Variants in NDUFS1 observed in about 807,000 individuals in gnomAD.
NDUFS1 encodes NADH-ubiquinone oxidoreductase 75 kDa subunit, mitochondrial.
NDUFS1 carries 61 observed loss-of-function variants against 84.4 expected under a neutral mutation model. The ratio of observed to expected loss-of-function variants is 0.72; its 90% CI spans 0.59 to 0.89. The LOEUF (loss-of-function observed/expected upper bound fraction) is 0.89, where lower values mean the gene tolerates loss of function less well. Ranked by LOEUF, NDUFS1 falls within the 40% of genes least tolerant of loss-of-function variation. The pLI, the probability that NDUFS1 is intolerant of heterozygous loss-of-function variation, is 0.00. For missense variants in NDUFS1, 891 were observed against 890.0 expected, an observed-to-expected ratio of 1.00 and a Z score of -0.01; for synonymous variants, 275 against 290.0, an observed-to-expected ratio of 0.95 and a Z score of 0.53.
In NDUFS1 at chr2:206,119,276, A is replaced by C. The variant is rs1691032064; in HGVS notation, c.*4909T>G. 6.6e-6 allele frequency: 1 copy of C among 152,184 alleles called. No individual in the cohort carries two copies. The highest frequency in any genetic ancestry group is 2.1e-4 in the South Asian group (1 of 4,834). 9.4% of individuals were successfully genotyped at this position (152,184 alleles called of 1,614,324 possible). ...GCTTTCTGATGTAATCATCAAAACA[A>C]TTCTATGAGGCTGGAAGTAGGTACA... On this transcript the variant is annotated 3_prime_UTR_variant, in exon 19 of 19. Coordinates refer to ENST00000233190, the MANE Select transcript of NDUFS1 (RefSeq NM_005006.7).
chr2:206,116,470 C>T lies in NDUFS1; in HGVS notation c.*7715G>A. 1 of 1,173,178 alleles carries T rather than the reference C, an allele frequency of 8.5e-7. No homozygotes were observed. The highest frequency in any genetic ancestry group is 1.2e-6 in the Non-Finnish European group (1 of 817,174). The allele number at this position is 1,173,178 out of a possible 1,614,324, so 72.7% of individuals were successfully genotyped here. A position where few individuals can be genotyped will look rare whatever the true frequency, so the allele number is the denominator to read the frequency against. ...ACCACGTGCAGGCTGCAGAGCACGG[C>T]CCGCACGCTCCGCACCACTCGCAGC... On this transcript the variant is annotated 3_prime_UTR_variant, in exon 19 of 19. Transcript: ENST00000233190.
chr2:206,155,751 G>A (rs985154887), intron 1 of NDUFS1, among the ~76,000 whole-genome samples: 3 of 147,958 alleles, frequency 2.0e-5, no homozygotes, highest in Non-Finnish European at 3.0e-5. Context: ...ATGGGGTTTC[G>A]CCATGTTGGC....
chr2:206,147,525 A>G lies in NDUFS1; in HGVS notation c.551+6T>C. 6.2e-7 allele frequency: 1 copy of G among 1,612,396 alleles called. No individual in the cohort carries two copies. On this transcript the variant is annotated splice_donor_region_variant and intron_variant, in intron 7 of 18. Coordinates refer to ENST00000233190, the MANE Select transcript of NDUFS1 (RefSeq NM_005006.7). ...CTATAATAGAAAAAAAAGGAAAAAAAGTTACCTGATGCAGCGAGTACACTG... is the reference window on the plus strand; with the variant it reads ...CTATAATAGAAAAAAAAGGAAAAAAGGTTACCTGATGCAGCGAGTACACTG...
intron 13 of NDUFS1, among the ~76,000 whole-genome samples, chr2:206,134,141 A>G (rs1691619083): frequency 6.6e-6 from 1 of 152,242 alleles, no homozygotes; most frequent in Admixed American, 6.5e-5. Flanking sequence ...CACAAGAGGA[A>G]TTTGCCAAGG....
rs1690919355 is a variant in NDUFS1 at position 206,115,455 on chromosome 2, A to G, written c.*8730T>C. On this transcript the variant is annotated 3_prime_UTR_variant, in exon 19 of 19. Transcript: ENST00000233190. ...CATGTTAGCTCTCCCTTGCCCTTCC[A>G]TCTTCTGCCATGGGAGGACAGCAAG... 1 of 175,116 alleles carries G rather than the reference A, an allele frequency of 5.7e-6. No homozygotes were observed. Among genetic ancestry groups the G allele is most frequent in the Non-Finnish European group, 1.2e-5 (1 of 84,426 alleles). 10.8% of individuals were successfully genotyped at this position (175,116 alleles called of 1,614,324 possible).
At chr2:206,134,602 A>G (rs2105955131) in intron 13 of NDUFS1, among the ~76,000 whole-genome samples, 1 of 152,226 alleles carries the variant, frequency 6.6e-6, no homozygotes. Context: ...AAAAGACAGA[A>G]AAGAAAGAAA....
At position 206,142,433 on chromosome 2, in the gene NDUFS1, T is replaced by G. The variant is rs150047210; in HGVS notation, c.1133+253A>C. ...TTTCGCCATGTTGGCCAGGCTGGTC[T>G]CAAACTCCTGCACTTAGGCGATCTG... is the stretch of plus-strand genomic sequence containing the variant. On this transcript the variant is annotated intron_variant, in intron 11 of 18. Coordinates refer to ENST00000233190, the MANE Select transcript of NDUFS1 (RefSeq NM_005006.7). Among the ~76,000 whole-genome samples the G allele has an allele frequency of 2.0e-3, 299 of 152,378 alleles. 2 individuals are homozygous for G. The highest frequency in any genetic ancestry group is 6.6e-3 in the African/African-American group (274 of 41,588).
rs915668351 is a variant in NDUFS1 at position 206,116,102 on chromosome 2, T to A, written c.*8083A>T. ...TATTTCATACTAGCTTATTTAGTGG[T>A]TCCATTTTCACTCCTCAATAGATTT... On this transcript the variant is annotated 3_prime_UTR_variant, in exon 19 of 19. Transcript: ENST00000233190. The A allele has an allele frequency of 7.8e-7, 1 of 1,279,912 alleles. No individual in the cohort carries two copies. The highest frequency in any genetic ancestry group is 1.7e-5 in the Admixed American group (1 of 59,580). 79.3% of individuals were successfully genotyped at this position (1,279,912 alleles called of 1,614,324 possible). A position where few individuals can be genotyped will look rare whatever the true frequency, so the allele number is the denominator to read the frequency against.
intron 10 of NDUFS1, among the ~76,000 whole-genome samples, chr2:206,143,446 C>T (rs11695633): frequency 0.023 from 3,563 of 152,246 alleles, 56 homozygotes; most frequent in Non-Finnish European, 0.036. Flanking sequence ...AATGCGACCT[C>T]CTCTGAAGTA....
intron 16 of NDUFS1, among the ~76,000 whole-genome samples, chr2:206,127,136 A>C (rs1354663559): frequency 6.6e-6 from 1 of 152,242 alleles, no homozygotes; most frequent in Non-Finnish European, 1.5e-5. Context: ...AAAGTTTACA[A>C]TGTGTTATTA....
intron 1 of NDUFS1, among the ~76,000 whole-genome samples, chr2:206,157,197 C>T (rs1024498454): frequency 4.6e-5 from 7 of 152,318 alleles, no homozygotes; most frequent in African/African-American, 7.2e-5. Flanking sequence ...GTGATCCACC[C>T]GCGTCGACCT....
intron 15 of NDUFS1, among the ~76,000 whole-genome samples, chr2:206,128,965 G>C (rs1001981907): frequency 2.5e-4 from 38 of 151,888 alleles, no homozygotes; most frequent in African/African-American, 8.9e-4. Flanking sequence ...AAATGGGGGA[G>C]GATGCAAAGA....
intron 13 of NDUFS1, 50 bp from the exon 14 acceptor site, chr2:206,133,155 G>A (rs1472207616): frequency 1.4e-6 from 2 of 1,460,410 alleles, no homozygotes; most frequent in Non-Finnish European, 1.9e-6. Flanking sequence ...CAAGTAAGCT[G>A]AACACCAAAC....
intron 7 of NDUFS1, 31 bp downstream of exon 7, chr2:206,147,500 C>G (rs922357621): frequency 1.6e-5 from 25 of 1,578,262 alleles, no homozygotes; most frequent in Non-Finnish European, 2.1e-5. Context: ...CAATTATATT[C>G]TATAATAGAA....
At chr2:206,151,540 C>CT (rs947888335) in intron 3 of NDUFS1, among the ~76,000 whole-genome samples, 2 of 152,196 alleles carry the variant, frequency 1.3e-5, no homozygotes, top group Non-Finnish European at 1.5e-5. Context: ...ATATTTTGTG[C>CT]TTTCATGTCT....
Position 206,142,002 on chromosome 2 carries a change from GAAC to G in NDUFS1, c.1198_1200del (p.Val400del), listed in dbSNP as rs1559055100. ...AAACGTGGGTTTGTACCAACCAGAAGAACAACATCTGCCTCTTCCACACCAGCA... is the reference window on the plus strand; with the variant it reads ...AAACGTGGGTTTGTACCAACCAGAAGAACATCTGCCTCTTCCACACCAGCA... On this transcript the variant is annotated inframe_deletion, in exon 12 of 19. Transcript: ENST00000233190. The G allele has an allele frequency of 6.2e-6, 10 of 1,608,994 alleles. No homozygotes were observed. The highest frequency in any genetic ancestry group is 1.1e-5 in the South Asian group (1 of 91,010).
chr2:206,150,247 G>A (rs1300772424), intron 3 of NDUFS1, among the ~76,000 whole-genome samples: 1 of 152,176 alleles, frequency 6.6e-6, no homozygotes, highest in Non-Finnish European at 1.5e-5. Context: ...AATGTCCCCA[G>A]TGGTTTCATA....
chr2:206,121,034 A>G lies in NDUFS1; in HGVS notation c.*3151T>C, dbSNP rs1691080490. 1 of 152,268 alleles carries G rather than the reference A, an allele frequency of 6.6e-6. No homozygotes were observed. Among genetic ancestry groups the G allele is most frequent in the African/African-American group, 2.4e-5 (1 of 41,476 alleles). 9.4% of individuals were successfully genotyped at this position (152,268 alleles called of 1,614,324 possible). A position where few individuals can be genotyped will look rare whatever the true frequency, so the allele number is the denominator to read the frequency against. On this transcript the variant is annotated 3_prime_UTR_variant, in exon 19 of 19. Coordinates refer to ENST00000233190, the MANE Select transcript of NDUFS1 (RefSeq NM_005006.7). ...TTAGTATCTAGCTGTGTAGCCATAAATAAGTTATTTGATATTTCTTGAGTC... is the reference window on the plus strand; with the variant it reads ...TTAGTATCTAGCTGTGTAGCCATAAGTAAGTTATTTGATATTTCTTGAGTC...
At chr2:206,139,267 G>A (rs1473176857) in intron 12 of NDUFS1, among the ~76,000 whole-genome samples, 4 of 151,914 alleles carry the variant, frequency 2.6e-5, no homozygotes, top group South Asian at 2.1e-4. Context: ...CTCACTGCAA[G>A]CTCCACCTCC....
Sources: allele counts gnomAD v4.1 joint callset (sites outside exome capture counted in the v4.1 genomes callset), GRCh38; gene constraint gnomAD v4.1.1; transcripts MANE v1.5; gene names NCBI Gene and HGNC (gene_info 2026-07-23, HGNC 2026-07-21).